The following ME1 variants were observed in gnomAD, a reference collection of about 807,000 sequenced individuals.
ME1 encodes the protein malic enzyme 1, also known as NADP-dependent malic enzyme.
ME1 carries 74 observed loss-of-function variants against 66.4 expected under a neutral mutation model. The observed-to-expected ratio is 1.11, with a 90% CI of 0.92 to 1.35. The LOEUF (loss-of-function observed/expected upper bound fraction) is 1.35, where lower values mean the gene tolerates loss of function less well. ME1 is among the 40% of genes most tolerant of loss of function. ME1 has a pLI of 0.00. For synonymous variants in ME1, 251 were observed against 235.6 expected (o/e 1.07, Z -0.60); for missense variants, 750 against 694.1 (o/e 1.08, Z -0.90).
At chr6:83,278,121 C>T (rs1305360611) in intron 6 of ME1, among the ~76,000 whole-genome samples, 1 of 152,064 alleles carries the variant, frequency 6.6e-6, no homozygotes, top group African/African-American at 2.4e-5. Context: ...CATCATGATG[C>T]ATTAGGTTGC....
chr6:83,330,321 G>A (rs1241218283), intron 5 of ME1, among the ~76,000 whole-genome samples: 1 of 151,878 alleles, frequency 6.6e-6, no homozygotes, highest in Non-Finnish European at 1.5e-5. Context: ...AACTTTTGCT[G>A]TTTTGTTGCC....
At chr6:83,291,408 G>C (rs1208240200) in intron 6 of ME1, among the ~76,000 whole-genome samples, 11 of 152,158 alleles carry the variant, frequency 7.2e-5, no homozygotes, top group Non-Finnish European at 1.5e-4. Flanking sequence ...TGAAATTCTA[G>C]GTTGAGAATT....
At chr6:83,359,218 G>A (rs745528506) in intron 3 of ME1, among the ~76,000 whole-genome samples, 18 of 152,226 alleles carry the variant, frequency 1.2e-4, no homozygotes, top group African/African-American at 3.1e-4. Flanking sequence ...GGGCAGAGGC[G>A]CTCAAGATAA....
At chr6:83,232,377 TTAAAC>T (rs1790323305) in intron 9 of ME1, among the ~76,000 whole-genome samples, 1 of 152,194 alleles carries the variant, frequency 6.6e-6, no homozygotes, top group African/African-American at 2.4e-5. Context: ...TCAGGACAGA[TTAAAC>T]TAAGATAAAT....
At chr6:83,354,672 T>C (rs867456532) in intron 3 of ME1, among the ~76,000 whole-genome samples, 1 of 152,216 alleles carries the variant, frequency 6.6e-6, no homozygotes, top group African/African-American at 2.4e-5. Flanking sequence ...GAATTATTTA[T>C]TTATGTATTC....
At chr6:83,242,876 ACT>A (rs898305640) in intron 7 of ME1, among the ~76,000 whole-genome samples, 105 of 152,040 alleles carry the variant, frequency 6.9e-4, no homozygotes, top group African/African-American at 2.4e-3. Flanking sequence ...ATACAGCAAA[ACT>A]CTCAAAAACC....
chr6:83,256,176 A>G (rs1766764448), intron 6 of ME1, among the ~76,000 whole-genome samples: 1 of 152,166 alleles, frequency 6.6e-6, no homozygotes, highest in Non-Finnish European at 1.5e-5. Flanking sequence ...CAGAAAAATG[A>G]GAATAGTAAC....
intron 2 of ME1, among the ~76,000 whole-genome samples, chr6:83,399,961 C>T (rs1769809830): frequency 6.6e-6 from 1 of 152,182 alleles, no homozygotes; most frequent in African/African-American, 2.4e-5. Context: ...ATTGCTAAAT[C>T]AATGGTCCAT....
intron 5 of ME1, among the ~76,000 whole-genome samples, chr6:83,322,597 G>C (rs780201473): frequency 6.6e-6 from 1 of 152,152 alleles, no homozygotes; most frequent in Non-Finnish European, 1.5e-5. Context: ...TTGAAGACAA[G>C]ATTAGAGAAA....
At chr6:83,353,857 A>G (rs778728390) in intron 3 of ME1, among the ~76,000 whole-genome samples, 41 of 152,206 alleles carry the variant, frequency 2.7e-4, no homozygotes, top group Non-Finnish European at 5.1e-4. Context: ...CCTTGAGCAG[A>G]AAGTGGTCAG....
intron 9 of ME1, among the ~76,000 whole-genome samples, chr6:83,230,948 A>T (rs956410125): frequency 2.0e-5 from 3 of 152,188 alleles, no homozygotes; most frequent in Non-Finnish European, 4.4e-5. Context: ...TAAAAAATAA[A>T]AAAAAGAAAT....
chr6:83,213,165 C>G (rs143155023), intron 13 of ME1, among the ~76,000 whole-genome samples: 3,962 of 151,704 alleles, frequency 0.026, 80 homozygotes, highest in Admixed American at 0.054. Flanking sequence ...TGGCTCATGC[C>G]TGTAATCCCA....
At chr6:83,212,675 G>C (rs563724942) in intron 13 of ME1, among the ~76,000 whole-genome samples, 18 of 152,168 alleles carry the variant, frequency 1.2e-4, no homozygotes, top group African/African-American at 4.3e-4. Flanking sequence ...TTTTGTGGCT[G>C]TGCATCCTAG....
At chr6:83,422,170 A>G (rs1770280736) in intron 1 of ME1, among the ~76,000 whole-genome samples, 1 of 152,226 alleles carries the variant, frequency 6.6e-6, no homozygotes, top group African/African-American at 2.4e-5. Flanking sequence ...CTTAAACAGC[A>G]TACCAAAGGC....
At chr6:83,248,135 T>C (rs1790657471) in intron 7 of ME1, among the ~76,000 whole-genome samples, 1 of 152,186 alleles carries the variant, frequency 6.6e-6, no homozygotes, top group Non-Finnish European at 1.5e-5. Context: ...CTGGCCTTGA[T>C]GGATAGAAAT....
intron 6 of ME1, among the ~76,000 whole-genome samples, chr6:83,274,910 A>C (rs1254094805): frequency 6.6e-6 from 1 of 152,204 alleles, no homozygotes; most frequent in African/African-American, 2.4e-5. Flanking sequence ...TATTTTACAA[A>C]AATATTTAAT....
chr6:83,251,962 A>G (rs1225725612), intron 7 of ME1, among the ~76,000 whole-genome samples: 1 of 152,232 alleles, frequency 6.6e-6, no homozygotes, highest in Non-Finnish European at 1.5e-5. Flanking sequence ...TAGAGATATT[A>G]TGCAGAAAAC....
chr6:83,393,654 C>T (rs1020652029), intron 3 of ME1, among the ~76,000 whole-genome samples: 13 of 151,816 alleles, frequency 8.6e-5, no homozygotes, highest in Admixed American at 7.2e-4. Context: ...TCGACTTCAA[C>T]TCAAATACTT....
chr6:83,284,769 A>T (rs992840885), intron 6 of ME1, among the ~76,000 whole-genome samples: 1 of 152,196 alleles, frequency 6.6e-6, no homozygotes, highest in Admixed American at 6.5e-5. Context: ...ACCTGGAAGC[A>T]TTCTCCTTAA....
Sources: allele counts gnomAD v4.1 joint callset (sites outside exome capture counted in the v4.1 genomes callset), GRCh38; gene constraint gnomAD v4.1.1; transcripts MANE v1.5; gene names NCBI Gene and HGNC (gene_info 2026-07-23, HGNC 2026-07-21).